LOXL1: variants seen among roughly 807,000 people sequenced by gnomAD.
LOXL1 encodes lysyl oxidase homolog 1.
Under a neutral mutation model 62.2 loss-of-function variants are expected in LOXL1, and 31 were observed. The observed-to-expected ratio is 0.50, with a 90% CI of 0.37 to 0.67. The LOEUF (loss-of-function observed/expected upper bound fraction) is 0.67, where lower values mean the gene tolerates loss of function less well. LOXL1 is among the 30% of genes least tolerant of loss of function. The probability of loss-of-function intolerance (pLI) is 0.00; values close to 1 mark genes in which losing one functional copy is unlikely to be tolerated. For missense variants in LOXL1, 775 were observed against 843.4 expected (o/e 0.92, Z 1.00); for synonymous variants, 403 against 384.4 (o/e 1.05, Z -0.56).
chr15:73,948,148 C>G (rs1400999192), intron 5 of LOXL1, among the ~76,000 whole-genome samples: 3 of 152,200 alleles, frequency 2.0e-5, no homozygotes, highest in African/African-American at 7.2e-5. Context: ...ATGCCAGAGG[C>G]AGTGGTGATA....
chr15:73,928,143 G>A (rs953794348), intron 1 of LOXL1: 6 of 385,958 alleles, frequency 1.6e-5, no homozygotes, highest in Non-Finnish European at 2.3e-5. Context: ...CCTGGCTTTG[G>A]TGGAGGGACT....
chr15:73,931,736 G>A (rs1367857116), intron 1 of LOXL1, among the ~76,000 whole-genome samples: 1 of 152,148 alleles, frequency 6.6e-6, no homozygotes, highest in Non-Finnish European at 1.5e-5. Flanking sequence ...ACCTGGGCCT[G>A]CTCCACCCCA....
chr15:73,946,193 G>A (rs908030771), intron 2 of LOXL1, among the ~76,000 whole-genome samples: 20 of 152,244 alleles, frequency 1.3e-4, no homozygotes, highest in African/African-American at 4.6e-4. Context: ...CATGGTGGAG[G>A]CCAGAAAGGA....
chr15:73,946,973 C>T, intron 3 of LOXL1, 94 bp from the exon 4 acceptor site: 1 of 1,335,868 alleles, frequency 7.5e-7, no homozygotes, highest in Non-Finnish European at 1.0e-6. Context: ...TGTGCCACAG[C>T]AGGGTCACCT....
chr15:73,947,977 T>G, intron 5 of LOXL1, 75 bp downstream of exon 5: 1 of 1,172,372 alleles, frequency 8.5e-7, no homozygotes. Context: ...TGAAAGAAGC[T>G]TCAGCCTCTG....
At chr15:73,942,821 C>T in intron 1 of LOXL1, 33 bp from the exon 2 acceptor site, 2 of 1,328,462 alleles carry the variant, frequency 1.5e-6, no homozygotes, top group Non-Finnish European at 2.2e-6. Flanking sequence ...TGCTCTTCCT[C>T]CCTCCCCCCT....
intron 6 of LOXL1, 29 bp from the exon 7 acceptor site, chr15:73,951,802 T>C: frequency 6.5e-7 from 1 of 1,540,676 alleles, no homozygotes; most frequent in Non-Finnish European, 8.8e-7. Flanking sequence ...TTGCAGCCCC[T>C]CATTGACCCA....
Position 73,927,561 on chromosome 15 carries a change from G to C in LOXL1, c.778G>C (p.Val260Leu). 1 of 1,479,468 alleles carries C rather than the reference G, an allele frequency of 6.8e-7. No individual in the cohort carries two copies. Among genetic ancestry groups the C allele is most frequent in the Non-Finnish European group, 8.9e-7 (1 of 1,118,846 alleles). 91.6% of individuals were successfully genotyped at this position (1,479,468 alleles called of 1,614,324 possible). A position where few individuals can be genotyped will look rare whatever the true frequency, so the allele number is the denominator to read the frequency against. ...GFYPAPERPY[V>L]PPPPPPPDGL... Reference sequence around the variant, plus strand: ...CTACCCGGCCCCCGAGAGGCCCTACGTGCCGCCGCCGCCGCCGCCCCCCGA... The same window carrying C: ...CTACCCGGCCCCCGAGAGGCCCTACCTGCCGCCGCCGCCGCCGCCCCCCGA... The change falls in exon 1 of 7, where the codon GTG becomes CTG. Residue 260 changes from valine (V) to leucine (L), a missense_variant. Transcript: ENST00000261921.
Position 73,949,586 on chromosome 15 carries a change from C to G in LOXL1, c.1718+12C>G. On this transcript the variant is annotated intron_variant, in intron 6 of 6. Coordinates refer to ENST00000261921, the MANE Select transcript of LOXL1 (RefSeq NM_005576.4). ...TGCAAAATTGTCCAGTAAGAGTTTGCCCACCACCCTTCCTGGCTCCGTCCC... is the reference window on the plus strand; with the variant it reads ...TGCAAAATTGTCCAGTAAGAGTTTGGCCACCACCCTTCCTGGCTCCGTCCC... 6.4e-7 allele frequency: 1 copy of G among 1,571,054 alleles called. No individual in the cohort carries two copies.
chr15:73,928,601 C>CA (rs55696344), intron 1 of LOXL1, among the ~76,000 whole-genome samples: 60 of 104,990 alleles, frequency 5.7e-4, no homozygotes, highest in Non-Finnish European at 8.4e-4. Context: ...AAAATTAATG[C>CA]AAAAAAAAAA....
At chr15:73,937,919 C>T (rs981374674) in intron 1 of LOXL1, among the ~76,000 whole-genome samples, 1 of 152,180 alleles carries the variant, frequency 6.6e-6, no homozygotes, top group South Asian at 2.1e-4. Context: ...TTCATCAGGC[C>T]CAGGAGGGGC....
At chr15:73,929,323 A>T (rs2068619159) in intron 1 of LOXL1, among the ~76,000 whole-genome samples, 1 of 152,198 alleles carries the variant, frequency 6.6e-6, no homozygotes, top group South Asian at 2.1e-4. Context: ...GTAAGGGCTG[A>T]CTGAGCCCTC....
At chr15:73,934,267 A>T (rs540971908) in intron 1 of LOXL1, among the ~76,000 whole-genome samples, 31 of 152,312 alleles carry the variant, frequency 2.0e-4, no homozygotes, top group African/African-American at 7.2e-4. Context: ...GTGCCACCAG[A>T]CGTTTTATGG....
intron 1 of LOXL1, among the ~76,000 whole-genome samples, chr15:73,929,372 T>TC (rs1567083866): frequency 6.6e-6 from 1 of 152,214 alleles, no homozygotes; most frequent in Admixed American, 6.5e-5. Context: ...CCCAGCCTCC[T>TC]CCTCAGCCTC....
chr15:73,929,109 GGACGGCCATCAGCCAT>G (rs2068617151), intron 1 of LOXL1, among the ~76,000 whole-genome samples: 1 of 152,208 alleles, frequency 6.6e-6, no homozygotes, highest in Admixed American at 6.5e-5. Context: ...GGCCAGTGCT[GGACGGCCATCAGCCAT>G]TCTCTGCTGT....
intron 1 of LOXL1, chr15:73,941,849 T>C: frequency 5.9e-6 from 1 of 169,178 alleles, no homozygotes; most frequent in South Asian, 9.4e-5. Context: ...TCTGGACACC[T>C]AAGTTTGGTT....
intron 5 of LOXL1, among the ~76,000 whole-genome samples, chr15:73,948,976 C>T (rs1326264711): frequency 6.6e-6 from 1 of 152,364 alleles, no homozygotes; most frequent in Non-Finnish European, 1.5e-5. Flanking sequence ...CCTTTTCAGA[C>T]AAAAAGCACA....
In LOXL1 at chr15:73,951,971, C is replaced by CATGGGGAGGG; in HGVS notation, c.*134_*135insATGGGGAGGG. The CATGGGGAGGG allele has an allele frequency of 1.5e-6, 1 of 683,492 alleles. No homozygotes were observed. 42.3% of individuals were successfully genotyped at this position (683,492 alleles called of 1,614,324 possible). A position where few individuals can be genotyped will look rare whatever the true frequency, so the allele number is the denominator to read the frequency against. On this transcript the variant is annotated 3_prime_UTR_variant, in exon 7 of 7. Coordinates refer to ENST00000261921, the MANE Select transcript of LOXL1 (RefSeq NM_005576.4). ...ATCCCTCCCTGCCGGCCTCAGGGAG[C>CATGGGGAGGG]GAACGTGGATGAAAACCACAGGGAT...
rs2068791049 is a variant in LOXL1, at chr15:73,951,946, A to C, written c.*109A>C. On this transcript the variant is annotated 3_prime_UTR_variant, in exon 7 of 7. Coordinates refer to ENST00000261921, the MANE Select transcript of LOXL1 (RefSeq NM_005576.4). ...CCCCAACCCACAGGCACGGAGGGGC[A>C]TCCCTCCCTGCCGGCCTCAGGGAGC... The C allele has an allele frequency of 1.0e-6, 1 of 973,956 alleles. No individual in the cohort carries two copies. Among genetic ancestry groups the C allele is most frequent in the South Asian group, 2.9e-5 (1 of 34,414 alleles). 60.3% of individuals were successfully genotyped at this position (973,956 alleles called of 1,614,324 possible).
Sources: gnomAD v4.1 joint callset for allele counts (sites outside exome capture counted in the v4.1 genomes callset) on GRCh38, gnomAD v4.1.1 for gene constraint, MANE v1.5 for transcripts, NCBI Gene and HGNC (gene_info 2026-07-23, HGNC 2026-07-21) for gene names.